Variants in CYP39A1 observed in about 807,000 individuals in gnomAD.
CYP39A1 encodes 24-hydroxycholesterol 7-alpha-hydroxylase.
Under a neutral mutation model 58.1 loss-of-function variants are expected in CYP39A1, and 49 were observed. That is an observed-to-expected ratio of 0.84 (90% CI 0.67 to 1.07). The LOEUF is 1.07. Ranked by LOEUF, CYP39A1 falls within the 50% of genes least tolerant of loss-of-function variation. The pLI is 0.00. For synonymous variants in CYP39A1, 209 were observed against 187.6 expected, an observed-to-expected ratio of 1.11 and a Z score of -0.93; for missense variants, 531 against 539.4, an observed-to-expected ratio of 0.98 and a Z score of 0.16.
rs1027668947 is a variant in CYP39A1, at chr6:46,549,767, A to G, written c.*599T>C. On this transcript the variant is annotated 3_prime_UTR_variant, in exon 12 of 12. Transcript: ENST00000275016. ...AAGAAGGTGCAATCCTGAGCATAAT[A>G]AAGTGTAGAAATGAATGTAAGACAC... 2.0e-5 allele frequency: 3 copies of G among 152,184 alleles called. No homozygotes were observed. Among genetic ancestry groups the G allele is most frequent in the African/African-American group, 7.2e-5 (3 of 41,458 alleles). 9.4% of individuals were successfully genotyped at this position (152,184 alleles called of 1,614,324 possible). A position where few individuals can be genotyped will look rare whatever the true frequency, so the allele number is the denominator to read the frequency against.
intron 10 of CYP39A1, chr6:46,586,247 G>C (rs1772466574): frequency 1.0e-6 from 1 of 983,516 alleles, no homozygotes; most frequent in Non-Finnish European, 1.2e-6. Context: ...ATAATGAAGA[G>C]GACTGACTTC....
intron 10 of CYP39A1, among the ~76,000 whole-genome samples, chr6:46,567,671 C>A (rs1044532679): frequency 1.3e-5 from 2 of 152,038 alleles, no homozygotes; most frequent in Non-Finnish European, 2.9e-5. Context: ...AATGGATATG[C>A]CAACTCAAAA....
In CYP39A1 at chr6:46,553,706, T is replaced by A. The variant is rs1770526995; in HGVS notation, c.1338+61A>T. On this transcript the variant is annotated intron_variant, in intron 11 of 11. Coordinates refer to ENST00000275016, the MANE Select transcript of CYP39A1 (RefSeq NM_016593.5). ...CTCTAGTAATCAAAATTGGGGGAAG[T>A]GGGGGTGGTTATGTCATATTTATAA... 9 of 1,107,016 alleles carry A rather than the reference T, an allele frequency of 8.1e-6. No individual in the cohort carries two copies. The South Asian group carries it at 1.2e-4, about 14-fold the overall frequency. 68.6% of individuals were successfully genotyped at this position (1,107,016 alleles called of 1,614,324 possible). A position where few individuals can be genotyped will look rare whatever the true frequency, so the allele number is the denominator to read the frequency against.
At chr6:46,614,410 A>C (rs1308486643) in intron 7 of CYP39A1, among the ~76,000 whole-genome samples, 1 of 152,198 alleles carries the variant, frequency 6.6e-6, no homozygotes, top group African/African-American at 2.4e-5. Context: ...TTTCCATCAC[A>C]CAAGAACCGG....
chr6:46,586,925 A>C, intron 10 of CYP39A1, 152 bp downstream of exon 10: 1 of 634,114 alleles, frequency 1.6e-6, no homozygotes, highest in Non-Finnish European at 2.8e-6. Context: ...GACACTGCAC[A>C]GGACCACAGA....
chr6:46,649,847 T>C (rs1298642024), intron 1 of CYP39A1, among the ~76,000 whole-genome samples: 1 of 152,168 alleles, frequency 6.6e-6, no homozygotes, highest in Non-Finnish European at 1.5e-5. Flanking sequence ...TAAATAAAAA[T>C]AATGGGAAGA....
chr6:46,633,879 T>G (rs966110550), intron 5 of CYP39A1, among the ~76,000 whole-genome samples: 1 of 151,794 alleles, frequency 6.6e-6, no homozygotes, highest in Non-Finnish European at 1.5e-5. Flanking sequence ...AAAATGCCAC[T>G]GCCACACAAA....
intron 10 of CYP39A1, among the ~76,000 whole-genome samples, chr6:46,574,771 A>G (rs1771764906): frequency 6.6e-6 from 1 of 152,014 alleles, no homozygotes; most frequent in Non-Finnish European, 1.5e-5. Flanking sequence ...TCATCCTGAA[A>G]TTTTTGCTCA....
At chr6:46,602,187 A>C (rs903775181) in intron 7 of CYP39A1, among the ~76,000 whole-genome samples, 6 of 152,176 alleles carry the variant, frequency 3.9e-5, no homozygotes, top group Non-Finnish European at 8.8e-5. Flanking sequence ...TGCATGTCTA[A>C]AATGGTGGAA....
At chr6:46,619,685 T>C (rs998767940) in intron 7 of CYP39A1, among the ~76,000 whole-genome samples, 3 of 152,016 alleles carry the variant, frequency 2.0e-5, no homozygotes, top group Admixed American at 1.3e-4. Flanking sequence ...AAAGAAACAA[T>C]GTAAATATTC....
At chr6:46,606,540 A>G (rs116193814) in intron 7 of CYP39A1, among the ~76,000 whole-genome samples, 1,565 of 152,248 alleles carry the variant, frequency 0.01, 24 homozygotes, top group African/African-American at 0.036. Flanking sequence ...GTAATCATGA[A>G]AAGGGCTACA....
chr6:46,553,808 AAAGT>A lies in CYP39A1; in HGVS notation c.1293_1296del (p.Leu432IlefsTer93). ...TCCAGAAGACTACAGTCATATTTAT[AAAGT>A]ATTAAAATAATACACATCTGAACCT... On this transcript the variant is annotated frameshift_variant, in exon 11 of 12. Coordinates refer to ENST00000275016, the MANE Select transcript of CYP39A1 (RefSeq NM_016593.5). LOFTEE classifies it high-confidence loss of function. The A allele has an allele frequency of 6.2e-7, 1 of 1,611,232 alleles. No individual in the cohort carries two copies. The highest frequency in any genetic ancestry group is 8.5e-7 in the Non-Finnish European group (1 of 1,178,384).
intron 1 of CYP39A1, among the ~76,000 whole-genome samples, chr6:46,644,732 G>C (rs1289861396): frequency 1.3e-5 from 2 of 152,152 alleles, no homozygotes; most frequent in African/African-American, 4.8e-5. Context: ...GTGTTTTCTG[G>C]AGTGGCTGTA....
At chr6:46,610,399 T>A (rs149479229) in intron 7 of CYP39A1, among the ~76,000 whole-genome samples, 88 of 152,218 alleles carry the variant, frequency 5.8e-4, no homozygotes, top group African/African-American at 2.1e-3. Context: ...TGGAGTGCAG[T>A]GGCACTATCA....
At chr6:46,587,285 T>C (rs997283935) in intron 9 of CYP39A1, 120 bp from the exon 10 acceptor site, 12 of 705,688 alleles carry the variant, frequency 1.7e-5, no homozygotes, top group Non-Finnish European at 3.0e-5. Context: ...TGCAGGGTTG[T>C]TGGTAATTTT....
intron 5 of CYP39A1, among the ~76,000 whole-genome samples, chr6:46,635,542 G>GTGTC (rs1775932153): frequency 6.6e-6 from 1 of 152,048 alleles, no homozygotes; most frequent in East Asian, 1.9e-4. Flanking sequence ...TACCTCAGAG[G>GTGTC]TGTTTGTTTG....
At chr6:46,572,070 T>A (rs115662500) in intron 10 of CYP39A1, among the ~76,000 whole-genome samples, 2,020 of 152,226 alleles carry the variant, frequency 0.013, 36 homozygotes, top group African/African-American at 0.046. Context: ...TACCCCCACA[T>A]GCATTATATG....
chr6:46,613,674 A>G (rs796459710), intron 7 of CYP39A1, among the ~76,000 whole-genome samples: 3 of 151,930 alleles, frequency 2.0e-5, no homozygotes, highest in African/African-American at 7.2e-5. Context: ...TGCAAAAGTG[A>G]AAAAAATTCC....
At chr6:46,574,168 C>T (rs554622373) in intron 10 of CYP39A1, among the ~76,000 whole-genome samples, 1 of 152,148 alleles carries the variant, frequency 6.6e-6, no homozygotes, top group Admixed American at 6.5e-5. Flanking sequence ...ATATTGTCTG[C>T]TTTTCTAGTC....
Sources: allele counts gnomAD v4.1 joint callset (sites outside exome capture counted in the v4.1 genomes callset), GRCh38; gene constraint gnomAD v4.1.1; transcripts MANE v1.5; gene names NCBI Gene and HGNC (gene_info 2026-07-23, HGNC 2026-07-21).